The following STK3 variants were observed in gnomAD, a reference collection of about 807,000 sequenced individuals.
STK3 encodes the protein serine/threonine-protein kinase 3.
A neutral mutation model predicts 58.0 loss-of-function variants in STK3; 41 were observed. The ratio of observed to expected loss-of-function variants is 0.71; its 90% CI spans 0.55 to 0.92. The LOEUF is 0.92. STK3 is among the 40% of genes least tolerant of loss of function. The pLI, the probability that STK3 is intolerant of heterozygous loss-of-function variation, is 0.00. For missense variants in STK3, 479 were observed against 602.7 expected, an observed-to-expected ratio of 0.79 and a Z score of 2.15; for synonymous variants, 170 against 191.0, an observed-to-expected ratio of 0.89 and a Z score of 0.91.
intron 1 of STK3, among the ~76,000 whole-genome samples, chr8:98,911,428 C>T (rs1452862750): frequency 6.6e-6 from 1 of 152,054 alleles, no homozygotes; most frequent in Non-Finnish European, 1.5e-5. Flanking sequence ...GGGTCTTGCT[C>T]TGTTACCCAG....
At chr8:98,490,769 T>G (rs1246009896) in intron 10 of STK3, among the ~76,000 whole-genome samples, 3 of 152,172 alleles carry the variant, frequency 2.0e-5, no homozygotes, top group Admixed American at 6.5e-5. Context: ...AGAAATTCCC[T>G]GTTCGTGGGG....
chr8:98,690,646 T>C (rs202005623), intron 6 of STK3, among the ~76,000 whole-genome samples: 1 of 152,176 alleles, frequency 6.6e-6, no homozygotes, highest in African/African-American at 2.4e-5. Flanking sequence ...GATTCAATGC[T>C]ATTCCTATCA....
At chr8:98,731,289 G>A (rs767116988) in intron 4 of STK3, among the ~76,000 whole-genome samples, 7 of 152,000 alleles carry the variant, frequency 4.6e-5, no homozygotes, top group African/African-American at 7.3e-5. Context: ...ACTTTTTCAC[G>A]GAAGCTGTAA....
At chr8:98,861,874 T>G (rs1030423553) in intron 3 of STK3, among the ~76,000 whole-genome samples, 7 of 152,230 alleles carry the variant, frequency 4.6e-5, no homozygotes, top group African/African-American at 1.7e-4. Context: ...ACTTGCCTCA[T>G]TGTGGAACCT....
intron 6 of STK3, among the ~76,000 whole-genome samples, chr8:98,622,841 T>A (rs1818430268): frequency 6.6e-6 from 1 of 152,196 alleles, no homozygotes; most frequent in Non-Finnish European, 1.5e-5. Context: ...CCTGTACTAT[T>A]TCCCATTTTA....
At chr8:98,583,352 A>C (rs965154839) in intron 7 of STK3, among the ~76,000 whole-genome samples, 28 of 152,202 alleles carry the variant, frequency 1.8e-4, no homozygotes, top group Non-Finnish European at 3.5e-4. Flanking sequence ...GACAAACTGA[A>C]TCAGAATTTC....
chr8:98,790,476 T>C (rs1473834812), intron 1 of STK3, among the ~76,000 whole-genome samples: 1 of 152,112 alleles, frequency 6.6e-6, no homozygotes, highest in Non-Finnish European at 1.5e-5. Context: ...CATCCCTCTA[T>C]GATTAAAACT....
chr8:98,644,109 G>A (rs755112782), intron 6 of STK3, among the ~76,000 whole-genome samples: 10 of 152,204 alleles, frequency 6.6e-5, no homozygotes, highest in Middle Eastern at 3.4e-3. Context: ...TTTCATCACT[G>A]ATAAATAATT....
intron 6 of STK3, among the ~76,000 whole-genome samples, chr8:98,680,162 A>G (rs1404960528): frequency 6.6e-6 from 1 of 152,176 alleles, no homozygotes; most frequent in Non-Finnish European, 1.5e-5. Flanking sequence ...CTGTTATCTG[A>G]AAGATCTTTG....
chr8:98,657,597 A>G (rs1821648614), intron 6 of STK3, among the ~76,000 whole-genome samples: 2 of 152,086 alleles, frequency 1.3e-5, no homozygotes. Flanking sequence ...CTTAGACTCA[A>G]CCTTAAAATA....
chr8:98,905,913 G>C (rs1295916679), intron 1 of STK3, among the ~76,000 whole-genome samples: 1 of 152,176 alleles, frequency 6.6e-6, no homozygotes, highest in Non-Finnish European at 1.5e-5. Context: ...ACGGAAGTGA[G>C]GTACAGAAAC....
At chr8:98,516,669 C>T (rs904968918) in intron 10 of STK3, among the ~76,000 whole-genome samples, 5 of 151,900 alleles carry the variant, frequency 3.3e-5, no homozygotes, top group East Asian at 1.9e-4. Flanking sequence ...CCAAAAGCAA[C>T]GCAATTTCAG....
chr8:98,723,004 T>C (rs1827548669), intron 4 of STK3: 2 of 377,992 alleles, frequency 5.3e-6, no homozygotes, highest in Non-Finnish European at 5.2e-6. Flanking sequence ...GTGGACACCA[T>C]TGATTGGAAT....
At chr8:98,479,826 T>C (rs1477216666) in intron 10 of STK3, among the ~76,000 whole-genome samples, 8 of 152,198 alleles carry the variant, frequency 5.3e-5, no homozygotes, top group Non-Finnish European at 1.2e-4. Context: ...CTATAATTAC[T>C]GCTGAGGTAA....
chr8:98,909,428 T>C (rs997582945), intron 1 of STK3, among the ~76,000 whole-genome samples: 6 of 152,236 alleles, frequency 3.9e-5, no homozygotes, highest in African/African-American at 7.2e-5. Context: ...CAGATATATG[T>C]AACCATCACC....
chr8:98,384,057 C>T (rs918391459), intron 1 of STK3, among the ~76,000 whole-genome samples: 13 of 152,150 alleles, frequency 8.5e-5, no homozygotes, highest in African/African-American at 2.9e-4. Flanking sequence ...TTAGGGTAAC[C>T]AAGGGTTAAG....
Position 98,825,602 on chromosome 8 carries a change from C to A in STK3, c.-62G>T. The A allele has an allele frequency of 7.3e-7, 1 of 1,373,922 alleles. No homozygotes were observed. Among genetic ancestry groups the A allele is most frequent in the Non-Finnish European group, 9.5e-7 (1 of 1,056,760 alleles). 85.1% of individuals were successfully genotyped at this position (1,373,922 alleles called of 1,614,324 possible). The stretch of plus-strand genomic sequence containing the variant: ...CGAAGGCCGAAAGGAGGAAAGGAGC[C>A]GGGGCACCGGCCGGCCGAGCCTAGG... On this transcript the variant is annotated 5_prime_UTR_variant, in exon 1 of 11. Transcript: ENST00000419617.
chr8:98,423,025 A>T (rs1818190941), intron 3 of STK3, among the ~76,000 whole-genome samples: 1 of 152,188 alleles, frequency 6.6e-6, no homozygotes, highest in East Asian at 1.9e-4. Context: ...GTTGCTCAGG[A>T]GAGCACCCCA....
intron 10 of STK3, among the ~76,000 whole-genome samples, chr8:98,507,798 G>A (rs1824208510): frequency 1.3e-5 from 2 of 152,050 alleles, no homozygotes; most frequent in African/African-American, 4.8e-5. Flanking sequence ...CCTCTACTTG[G>A]AATGTTCTTC....
Sources: allele counts gnomAD v4.1 joint callset (sites outside exome capture counted in the v4.1 genomes callset), GRCh38; gene constraint gnomAD v4.1.1; transcripts MANE v1.5; gene names NCBI Gene and HGNC (gene_info 2026-07-23, HGNC 2026-07-21).